Variants in NUAK2 observed in about 807,000 individuals in gnomAD.
The protein encoded by NUAK2 is NUAK family SNF1-like kinase 2.
In NUAK2, 20 loss-of-function variants were observed where a neutral mutation model predicts 29.8. That is an observed-to-expected ratio of 0.67 (90% CI 0.47 to 0.98). The LOEUF is 0.98. Ranked by LOEUF, NUAK2 falls within the 50% of genes least tolerant of loss-of-function variation. The pLI, the probability that NUAK2 is intolerant of heterozygous loss-of-function variation, is 0.00. For synonymous variants in NUAK2, 331 were observed against 342.6 expected, an observed-to-expected ratio of 0.97 and a Z score of 0.37; for missense variants, 719 against 834.5, an observed-to-expected ratio of 0.86 and a Z score of 1.71.
chr1:205,304,180 G>C lies in NUAK2; in HGVS notation c.1157C>G (p.Ser386Cys). 6.2e-7 allele frequency: 1 copy of C among 1,614,212 alleles called. No individual in the cohort carries two copies. Among genetic ancestry groups the C allele is most frequent in the Non-Finnish European group, 8.5e-7 (1 of 1,180,030 alleles). ...KSRKENDMAQ[S>C]LHSDTADDTA... is the part of the protein sequence containing the mutation. ...GTCATCAGCCGTGTCACTGTGGAGAGACTGGGCCATGTCATTCTCCTTGCG... is the reference window on the plus strand; with the variant it reads ...GTCATCAGCCGTGTCACTGTGGAGACACTGGGCCATGTCATTCTCCTTGCG... Residue 386 changes from serine (S) to cysteine (C), a missense_variant, in exon 7 of 7, where the codon TCT becomes TGT. Around this residue, in one of 3 missense-constraint regions of NUAK2, gnomAD observed 430 missense variants for 465.7 expected, o/e 0.92. Coordinates refer to ENST00000367157, the MANE Select transcript of NUAK2 (RefSeq NM_030952.3). This position sits in a 1 kb window ranked among gnomAD's most constrained non-coding sequence, Gnocchi z 6.5.
rs1346013901 is a variant in NUAK2, at chr1:205,303,832, A to G, written c.1505T>C (p.Leu502Pro). The change falls in exon 7 of 7, where the codon CTC becomes CCC. Residue 502 changes from leucine to proline, a missense_variant. This residue lies in a region of NUAK2 where 430 missense variants were observed against 465.7 expected (regional missense o/e 0.92). Coordinates refer to ENST00000367157, the MANE Select transcript of NUAK2 (RefSeq NM_030952.3). ...SGLLLHRKGI[L>P]KLNGKFSQTA... ...CTGGGAGAACTTGCCATTGAGTTTG[A>G]GGATGCCTTTGCGATGGAGGAGCAG... is the stretch of plus-strand genomic sequence containing the variant. The G allele has an allele frequency of 4.4e-6, 7 of 1,606,310 alleles. No homozygotes were observed. Among genetic ancestry groups the G allele is most frequent in the Non-Finnish European group, 6.0e-6 (7 of 1,176,232 alleles).
In NUAK2 at chr1:205,302,907, T is replaced by TAA. The variant is rs1411711554; in HGVS notation, c.*541_*542dup. ...ACTCCGTCTCAAAAAAATAAATAAATAAATAAAAATAAAAATAAAAATAAC... is the reference window on the plus strand; with the variant it reads ...ACTCCGTCTCAAAAAAATAAATAAATAAAAATAAAAATAAAAATAAAAATAAC... On this transcript the variant is annotated 3_prime_UTR_variant, in exon 7 of 7. Coordinates refer to ENST00000367157, the MANE Select transcript of NUAK2 (RefSeq NM_030952.3). The TAA allele has an allele frequency of 6.6e-6, 1 of 151,840 alleles. No homozygotes were observed. The highest frequency in any genetic ancestry group is 1.9e-4 in the East Asian group (1 of 5,148). The allele number at this position is 151,840 out of a possible 1,614,324, so 9.4% of individuals were successfully genotyped here.
intron 1 of NUAK2, among the ~76,000 whole-genome samples, chr1:205,319,951 A>C (rs569065036): frequency 1.3e-4 from 19 of 150,594 alleles, no homozygotes; most frequent in Admixed American, 5.4e-4. Flanking sequence ...ACACACACAC[A>C]CCCCCTCACA....
At chr1:205,319,076 C>T (rs991721021) in intron 1 of NUAK2, among the ~76,000 whole-genome samples, 8 of 143,720 alleles carry the variant, frequency 5.6e-5, no homozygotes, top group African/African-American at 1.5e-4. Flanking sequence ...AGGTCTCTCT[C>T]GATTCACGAA....
intron 1 of NUAK2, among the ~76,000 whole-genome samples, chr1:205,314,654 A>G (rs933963279): frequency 1.3e-5 from 2 of 152,228 alleles, no homozygotes; most frequent in Non-Finnish European, 2.9e-5. Context: ...TTTGTTTAAA[A>G]TAAAACAATG....
chr1:205,309,263 G>C (rs1371488435), intron 2 of NUAK2, among the ~76,000 whole-genome samples: 23 of 152,208 alleles, frequency 1.5e-4, no homozygotes, highest in Non-Finnish European at 1.5e-5. Flanking sequence ...GCAGTTCCAG[G>C]GCTGGCTGAG....
At chr1:205,321,311 C>A (rs535592380) in intron 1 of NUAK2, 87 bp downstream of exon 1, 3 of 1,222,684 alleles carry the variant, frequency 2.5e-6, no homozygotes, top group African/African-American at 1.6e-5. Flanking sequence ...CGCCGAGCAA[C>A]GAGCGAGCCG....
intron 1 of NUAK2, among the ~76,000 whole-genome samples, chr1:205,319,106 G>A (rs930977032): frequency 1.3e-5 from 2 of 151,928 alleles, no homozygotes; most frequent in Admixed American, 6.6e-5. Context: ...AGAGGCAGGG[G>A]TGGGGTGGGG....
intron 4 of NUAK2, among the ~76,000 whole-genome samples, chr1:205,306,956 G>C (rs1336660161): frequency 2.0e-5 from 3 of 152,208 alleles, no homozygotes; most frequent in African/African-American, 7.2e-5. Flanking sequence ...ACCGGGGCAA[G>C]AACTTGGTGG....
chr1:205,315,008 A>T (rs1662307088), intron 1 of NUAK2, among the ~76,000 whole-genome samples: 2 of 152,158 alleles, frequency 1.3e-5, no homozygotes, highest in African/African-American at 2.4e-5. Context: ...GAAGCCCATG[A>T]TTCTACATCA....
rs890448209 is a variant in NUAK2, at chr1:205,303,218, C to T, written c.*232G>A. 6.0e-5 allele frequency: 24 copies of T among 397,348 alleles called. No homozygotes were observed. Among genetic ancestry groups the T allele is most frequent in the African/African-American group, 4.7e-4 (23 of 48,562 alleles). The allele number at this position is 397,348 out of a possible 1,614,324, so 24.6% of individuals were successfully genotyped here. The stretch of plus-strand genomic sequence containing the variant: ...ACTCTGTCGCGGGCATTCCCGTTCC[C>T]CTCTCTTTAGTATCCTCTTCGTTCA... On this transcript the variant is annotated 3_prime_UTR_variant, in exon 7 of 7. Transcript: ENST00000367157.
chr1:205,303,856 A>G lies in NUAK2; in HGVS notation c.1481T>C (p.Leu494Pro), dbSNP rs777793992. Residue 494 changes from leucine (L) to proline (P), a missense_variant, in exon 7 of 7, where the codon CTG becomes CCG. Physicochemically the swap from Leu to Pro is moderately conservative, Grantham distance 98. Around this residue, in one of 3 missense-constraint regions of NUAK2, gnomAD observed 430 missense variants for 465.7 expected, o/e 0.92. Coordinates refer to ENST00000367157, the MANE Select transcript of NUAK2 (RefSeq NM_030952.3). ...GAGGATGCCTTTGCGATGGAGGAGCAGCCCTGAAGCTTGCGGAGGCTTCTG... is the reference window on the plus strand; with the variant it reads ...GAGGATGCCTTTGCGATGGAGGAGCGGCCCTGAAGCTTGCGGAGGCTTCTG... Reference protein sequence around the residue: ...KEQKPPQASGLLLHRKGILKL... With the variant: ...KEQKPPQASGPLLHRKGILKL... 7 of 1,611,512 alleles carry G rather than the reference A, an allele frequency of 4.3e-6. No individual in the cohort carries two copies. The highest frequency in any genetic ancestry group is 5.1e-6 in the Non-Finnish European group (6 of 1,178,986).
chr1:205,315,742 G>A (rs1662317662), intron 1 of NUAK2, among the ~76,000 whole-genome samples: 1 of 152,080 alleles, frequency 6.6e-6, no homozygotes, highest in Admixed American at 6.6e-5. Flanking sequence ...GCCTGGTGAT[G>A]CATTCCTGTA....
intron 5 of NUAK2, 106 bp from the exon 6 acceptor site, chr1:205,305,437 T>C: frequency 2.7e-6 from 4 of 1,467,090 alleles, no homozygotes; most frequent in South Asian, 1.4e-5. Context: ...CCACCTCTCC[T>C]ACCCAGGGGC....
Position 205,308,795 on chromosome 1 carries a change from G to A in NUAK2, c.353-63C>T. The A allele has an allele frequency of 2.5e-6, 4 of 1,578,752 alleles. No individual in the cohort carries two copies. In the South Asian group the frequency reaches 3.3e-5, roughly 13 times the overall value. On this transcript the variant is annotated intron_variant, in intron 2 of 6. Transcript: ENST00000367157. The surrounding 1 kb of genome is among the most constrained non-coding windows in gnomAD (Gnocchi z 4.1). ...GAGTGCACTGCTCTCCACTGGGGGT[G>A]ACTCACTCCTCCCCGACCCCAGGCC... is the stretch of plus-strand genomic sequence containing the variant.
intron 2 of NUAK2, among the ~76,000 whole-genome samples, chr1:205,311,102 T>A (rs1662253109): frequency 6.6e-6 from 1 of 152,170 alleles, no homozygotes. Context: ...CACTTTGTTG[T>A]CTGGGTCATG....
rs1408139403 is a variant in NUAK2, at chr1:205,304,485, C to T, written c.852G>A (p.Leu284=). The stretch of plus-strand genomic sequence containing the variant: ...TGGCCCGGCGGGTGGGGTTCACCAT[C>T]AACAGCCACCGGATCAGGCCACAGG... The part of the protein sequence containing the change: ...SDACGLIRWL[L]MVNPTRRATL... The change falls in exon 7 of 7, where the codon TTG becomes TTA. Residue 284 remains leucine, a synonymous_variant. Transcript: ENST00000367157. This position sits in a 1 kb window ranked among gnomAD's most constrained non-coding sequence, Gnocchi z 6.5. The T allele has an allele frequency of 1.3e-6, 2 of 1,518,876 alleles. No homozygotes were observed. The highest frequency in any genetic ancestry group is 4.4e-5 in the Admixed American group (2 of 45,568). The allele number at this position is 1,518,876 out of a possible 1,614,324, so 94.1% of individuals were successfully genotyped here.
Position 205,305,252 on chromosome 1 carries a change from A to T in NUAK2, c.770T>A (p.Ile257Asn). 1.2e-6 allele frequency: 2 copies of T among 1,614,194 alleles called. No individual in the cohort carries two copies. The highest frequency in any genetic ancestry group is 1.7e-6 in the Non-Finnish European group (2 of 1,180,018). The part of the protein sequence containing the change: ...TMPFDGHDHK[I>N]LVKQISNGAY... ...CCCGTTGCTGATCTGTTTCACTAGG[A>T]TCTTATGGTCATGCCCATCAAAGGG... Residue 257 changes from isoleucine to asparagine, a missense_variant, in exon 6 of 7, where the codon ATC becomes AAC. This residue lies in a region of NUAK2 where 283 missense variants were observed against 345.6 expected (regional missense o/e 0.82). Coordinates refer to ENST00000367157, the MANE Select transcript of NUAK2 (RefSeq NM_030952.3).
intron 2 of NUAK2, among the ~76,000 whole-genome samples, chr1:205,311,060 T>G (rs1662252204): frequency 1.3e-5 from 2 of 152,312 alleles, no homozygotes; most frequent in East Asian, 3.9e-4. Flanking sequence ...AAGAGAGGGC[T>G]CCCCATCTTT....
Sources: gnomAD v4.1 joint callset for allele counts (sites outside exome capture counted in the v4.1 genomes callset) on GRCh38, gnomAD v4.1.1 for gene constraint, gnomAD v4.1.1 regional missense constraint, Gnocchi (gnomAD v3.1) non-coding constraint, MANE v1.5 for transcripts, NCBI Gene and HGNC (gene_info 2026-07-23, HGNC 2026-07-21) for gene names.